The following ATP8A1 variants were observed in gnomAD, a reference collection of about 807,000 sequenced individuals.
ATP8A1 encodes the protein ATPase phospholipid transporting 8A1, also known as phospholipid-transporting ATPase IA.
In ATP8A1, 90 loss-of-function variants were observed where a neutral mutation model predicts 177.7. That is an observed-to-expected ratio of 0.51 (90% CI 0.43 to 0.60). The LOEUF is 0.60. Ranked by LOEUF, ATP8A1 falls within the 20% of genes least tolerant of loss-of-function variation. ATP8A1 has a pLI of 0.00. For synonymous variants in ATP8A1, 493 were observed against 485.9 expected (o/e 1.01, Z -0.19); for missense variants, 1,072 against 1,392.8 (o/e 0.77, Z 3.67).
chr4:42,523,802 A>G (rs1016961475), intron 21 of ATP8A1, among the ~76,000 whole-genome samples: 2 of 152,172 alleles, frequency 1.3e-5, no homozygotes, highest in African/African-American at 2.4e-5. Flanking sequence ...TCTGAATCCT[A>G]TGAATATATA....
At chr4:42,561,100 A>T (rs1730773989) in intron 15 of ATP8A1, among the ~76,000 whole-genome samples, 1 of 152,196 alleles carries the variant, frequency 6.6e-6, no homozygotes, top group Non-Finnish European at 1.5e-5. Flanking sequence ...GGCCTAACGT[A>T]ATTGAGTATT....
At chr4:42,553,377 C>T (rs2153211773) in intron 16 of ATP8A1, among the ~76,000 whole-genome samples, 1 of 152,244 alleles carries the variant, frequency 6.6e-6, no homozygotes, top group Middle Eastern at 3.4e-3. Context: ...AATGCTTTGT[C>T]TTTCCTCTCC....
intron 22 of ATP8A1, among the ~76,000 whole-genome samples, chr4:42,519,645 TA>T (rs1725907228): frequency 6.6e-6 from 1 of 152,136 alleles, no homozygotes; most frequent in Non-Finnish European, 1.5e-5. Context: ...GAAAGTTATT[TA>T]AATAGATCAC....
At chr4:42,518,269 T>A (rs922621200) in intron 22 of ATP8A1, among the ~76,000 whole-genome samples, 1 of 152,244 alleles carries the variant, frequency 6.6e-6, no homozygotes, top group Non-Finnish European at 1.5e-5. Context: ...TTTTACATTT[T>A]GAATGTTGTG....
intron 6 of ATP8A1, among the ~76,000 whole-genome samples, chr4:42,594,995 T>C (rs1219636190): frequency 6.6e-6 from 1 of 152,134 alleles, no homozygotes; most frequent in Non-Finnish European, 1.5e-5. Context: ...GATAAAGAGA[T>C]ACTATTTTCA....
At chr4:42,519,742 T>C (rs1392966086) in intron 22 of ATP8A1, among the ~76,000 whole-genome samples, 1 of 152,236 alleles carries the variant, frequency 6.6e-6, no homozygotes, top group African/African-American at 2.4e-5. Context: ...TGACCCAATC[T>C]CTTAATCTTT....
Position 42,575,634 on chromosome 4 carries a change from C to A in ATP8A1, c.1194G>T (p.Glu398Asp). 6.2e-7 allele frequency: 1 copy of A among 1,613,422 alleles called. No individual in the cohort carries two copies. Among genetic ancestry groups the A allele is most frequent in the Non-Finnish European group, 8.5e-7 (1 of 1,179,592 alleles). The stretch of plus-strand genomic sequence containing the variant: ...AAATTGAGTTTACCTGGCCAAGTTC[C>A]TCATTCAGATTAGATGTTCGAGCCA... ...AAMARTSNLN[E>D]ELGQVKYIFS... Residue 398 changes from glutamate (E) to aspartate (D), a missense_variant, in exon 13 of 37, where the codon GAG (glutamate) becomes GAT (aspartate). By Grantham distance (45) the Glu-to-Asp change is conservative. Coordinates refer to ENST00000381668, the MANE Select transcript of ATP8A1 (RefSeq NM_006095.2).
At chr4:42,645,583 G>C (rs2109563167) in intron 1 of ATP8A1, among the ~76,000 whole-genome samples, 1 of 152,246 alleles carries the variant, frequency 6.6e-6, no homozygotes, top group East Asian at 1.9e-4. Flanking sequence ...GTATTGTTTA[G>C]AAGCTCCCTA....
intron 20 of ATP8A1, among the ~76,000 whole-genome samples, chr4:42,541,011 TA>T (rs1728330746): frequency 6.6e-6 from 1 of 151,840 alleles, no homozygotes; most frequent in Non-Finnish European, 1.5e-5. Context: ...TGTGTACAAG[TA>T]ATAAAAACAA....
At chr4:42,596,335 TA>T (rs1261302716) in intron 6 of ATP8A1, among the ~76,000 whole-genome samples, 1 of 152,214 alleles carries the variant, frequency 6.6e-6, no homozygotes, top group Admixed American at 6.5e-5. Context: ...AAGGATTATG[TA>T]AAATAGTAAG....
chr4:42,541,037 G>A lies in ATP8A1; in HGVS notation c.1722+2880C>T, dbSNP rs1728332749. Among the ~76,000 whole-genome samples, 3 of 151,958 alleles carry A rather than the reference G, an allele frequency of 2.0e-5. No homozygotes were observed. The South Asian group carries it at 6.2e-4, about 32-fold the overall frequency. On this transcript the variant is annotated intron_variant, in intron 20 of 36. Transcript: ENST00000381668. The stretch of plus-strand genomic sequence containing the variant: ...AATAAAAACAAGGCTGAGACAGGAG[G>A]ATCACTTGAGCCCAGGAATCTGAGG...
intron 14 of ATP8A1, among the ~76,000 whole-genome samples, chr4:42,572,681 AAC>A (rs749634642): frequency 1.1e-4 from 17 of 152,234 alleles, no homozygotes; most frequent in Non-Finnish European, 2.1e-4. Flanking sequence ...CTAAAAAGGA[AAC>A]AGATTTCGGC....
rs149547389 is a variant in ATP8A1, at chr4:42,500,763, G to T, written c.2151+2687C>A. ...AAGACCTGTCAGGTTTCCCTATCAG[G>T]TCTGTAGAGTGAGACTTCCATTATG... On this transcript the variant is annotated intron_variant, in intron 24 of 36. Transcript: ENST00000381668. 1.8e-3 allele frequency among the ~76,000 whole-genome samples: 280 copies of T among 152,272 alleles called. 2 individuals carry two copies. Among genetic ancestry groups the T allele is most frequent in the Admixed American group, 4.6e-3 (70 of 15,292 alleles).
In ATP8A1 at chr4:42,427,532, T is replaced by A. The variant is rs186535886; in HGVS notation, c.3124-3827A>T. ...AATAGGTATTTGTAGCAATTTATATTCCCACCAGCAATGAACTAGCCTTTG... is the reference window on the plus strand; with the variant it reads ...AATAGGTATTTGTAGCAATTTATATACCCACCAGCAATGAACTAGCCTTTG... On this transcript the variant is annotated intron_variant, in intron 33 of 36. Coordinates refer to ENST00000381668, the MANE Select transcript of ATP8A1 (RefSeq NM_006095.2). Among the ~76,000 whole-genome samples the A allele has an allele frequency of 3.7e-3, 569 of 152,326 alleles. 3 individuals carry two copies. Among genetic ancestry groups the A allele is most frequent in the Admixed American group, 7.9e-3 (121 of 15,308 alleles).
At position 42,409,563 on chromosome 4, in the gene ATP8A1, T is replaced by A. The variant is rs984445304; in HGVS notation, c.*3353A>T. On this transcript the variant is annotated 3_prime_UTR_variant, in exon 37 of 37. Transcript: ENST00000381668. ...GCACTTTCTCCATAAATTTTGTAGA[T>A]GACTATTTGTAAGATTATACACTTA... 6.6e-6 allele frequency: 1 copy of A among 152,172 alleles called. No homozygotes were observed. Among genetic ancestry groups the A allele is most frequent in the East Asian group, 1.9e-4 (1 of 5,204 alleles). 9.4% of individuals were successfully genotyped at this position (152,172 alleles called of 1,614,324 possible).
intron 9 of ATP8A1, among the ~76,000 whole-genome samples, chr4:42,583,677 T>C (rs1733332963): frequency 6.6e-6 from 1 of 152,204 alleles, no homozygotes; most frequent in Non-Finnish European, 1.5e-5. Context: ...AGCAACAAAG[T>C]ATACTCATTC....
intron 35 of ATP8A1, among the ~76,000 whole-genome samples, chr4:42,417,214 G>T (rs1713341612): frequency 6.6e-6 from 1 of 151,696 alleles, no homozygotes; most frequent in Non-Finnish European, 1.5e-5. Flanking sequence ...GCAATTCTGG[G>T]CCATCAATGT....
At chr4:42,635,778 C>CATATATATATATATATATATATAT (rs1279984098) in intron 1 of ATP8A1, among the ~76,000 whole-genome samples, 1 of 33,656 alleles carries the variant, frequency 3.0e-5, no homozygotes, top group Non-Finnish European at 6.3e-5. Context: ...CACACACACA[C>CATATATATATATATATATATATAT]ACACATATAT....
intron 7 of ATP8A1, among the ~76,000 whole-genome samples, chr4:42,589,711 A>T (rs920368754): frequency 6.6e-6 from 1 of 152,190 alleles, no homozygotes; most frequent in African/African-American, 2.4e-5. Flanking sequence ...CGAAATTTGT[A>T]ATTTACTTAT....
Sources: gnomAD v4.1 joint callset for allele counts (sites outside exome capture counted in the v4.1 genomes callset) on GRCh38, gnomAD v4.1.1 for gene constraint, MANE v1.5 for transcripts, NCBI Gene and HGNC (gene_info 2026-07-23, HGNC 2026-07-21) for gene names.